The following DLG2 variants were observed in gnomAD, a reference collection of about 807,000 sequenced individuals.
DLG2 encodes disks large homolog 2.
Under a neutral mutation model 132.5 loss-of-function variants are expected in DLG2, and 45 were observed. The observed-to-expected ratio is 0.34, with a 90% CI of 0.27 to 0.44. The LOEUF (loss-of-function observed/expected upper bound fraction) is 0.44. DLG2 is among the 20% of genes least tolerant of loss of function. The probability of loss-of-function intolerance (pLI) is 1.00; values close to 1 mark genes in which losing one functional copy is unlikely to be tolerated. For synonymous variants in DLG2, 424 were observed against 419.6 expected, an observed-to-expected ratio of 1.01 and a Z score of -0.13; for missense variants, 1,045 against 1,196.9, an observed-to-expected ratio of 0.87 and a Z score of 1.87.
At chr11:84,378,226 G>A (rs569840955) in intron 7 of DLG2, among the ~76,000 whole-genome samples, 30 of 152,230 alleles carry the variant, frequency 2.0e-4, no homozygotes, top group African/African-American at 7.2e-4. Context: ...GAGACATCAG[G>A]GGGCTGGTTT....
At chr11:83,510,825 C>CAT (rs1480238993) in intron 21 of DLG2, among the ~76,000 whole-genome samples, 1 of 134,602 alleles carries the variant, frequency 7.4e-6, no homozygotes, top group East Asian at 2.1e-4. Context: ...GTTTCTGAAC[C>CAT]ATCCGTTTTT....
At chr11:84,725,710 C>G (rs1336127135) in intron 6 of DLG2, among the ~76,000 whole-genome samples, 4 of 152,058 alleles carry the variant, frequency 2.6e-5, no homozygotes, top group Non-Finnish European at 5.9e-5. Context: ...ATTTCTTGTT[C>G]CGTAAAATGG....
chr11:84,432,866 C>T (rs532600887), intron 7 of DLG2, among the ~76,000 whole-genome samples: 9 of 151,830 alleles, frequency 5.9e-5, no homozygotes, highest in Non-Finnish European at 8.8e-5. Context: ...CTACTAAAAA[C>T]GCAAAAAATT....
intron 21 of DLG2, among the ~76,000 whole-genome samples, chr11:83,503,577 G>A (rs570387003): frequency 9.6e-4 from 145 of 151,646 alleles, no homozygotes; most frequent in South Asian, 3.4e-3. Context: ...CCTGGAGTCC[G>A]ATGTTCAAGG....
chr11:84,068,355 T>C (rs112724990), intron 10 of DLG2, among the ~76,000 whole-genome samples: 137 of 152,372 alleles, frequency 9.0e-4, no homozygotes, highest in Middle Eastern at 3.4e-3. Flanking sequence ...CAAATATTTC[T>C]GATTAATACA....
At chr11:84,649,265 G>A (rs1006120193) in intron 6 of DLG2, among the ~76,000 whole-genome samples, 1 of 152,136 alleles carries the variant, frequency 6.6e-6, no homozygotes, top group African/African-American at 2.4e-5. Context: ...TAATTCCCTA[G>A]TAACAGTTTC....
intron 6 of DLG2, among the ~76,000 whole-genome samples, chr11:84,588,332 C>A (rs1296740741): frequency 6.6e-6 from 1 of 152,140 alleles, no homozygotes; most frequent in Non-Finnish European, 1.5e-5. Context: ...CTTTTCAGCC[C>A]CACCCCCAAA....
At chr11:85,347,524 C>T (rs1243948076) in intron 3 of DLG2, among the ~76,000 whole-genome samples, 1 of 152,044 alleles carries the variant, frequency 6.6e-6, no homozygotes, top group East Asian at 1.9e-4. Flanking sequence ...TAATCATTTA[C>T]TGTATGTCAA....
chr11:83,459,745 T>C lies in DLG2; in HGVS notation c.*73A>G, dbSNP rs1051195569. 8.7e-6 allele frequency: 7 copies of C among 801,764 alleles called. No individual in the cohort carries two copies. Among genetic ancestry groups the C allele is most frequent in the African/African-American group, 1.7e-5 (1 of 57,812 alleles). 49.7% of individuals were successfully genotyped at this position (801,764 alleles called of 1,614,324 possible). ...TAAATGCAACAAAAACATAAAAGCC[T>C]CCAAGTAGTATGTTATATATATTTT... On this transcript the variant is annotated 3_prime_UTR_variant, in exon 28 of 28. Transcript: ENST00000376104.
chr11:83,472,846 G>T, intron 22 of DLG2, 69 bp from the exon 23 acceptor site: 1 of 1,251,270 alleles, frequency 8.0e-7, no homozygotes, highest in Non-Finnish European at 1.2e-6. Flanking sequence ...GCCCTGCTCT[G>T]AAACACAGGA....
intron 18 of DLG2, among the ~76,000 whole-genome samples, chr11:83,723,574 G>T (rs935923151): frequency 2.0e-5 from 3 of 152,090 alleles, no homozygotes; most frequent in African/African-American, 7.2e-5. Flanking sequence ...ATCTTGGGGG[G>T]CCAGAAATAG....
intron 6 of DLG2, among the ~76,000 whole-genome samples, chr11:85,090,997 T>C (rs1347292910): frequency 6.6e-6 from 1 of 152,144 alleles, no homozygotes; most frequent in African/African-American, 2.4e-5. Context: ...GGTGGTGCCA[T>C]GTTCTCTTTA....
chr11:84,225,646 G>A lies in DLG2; in HGVS notation c.573+25592C>T, dbSNP rs116612177. On this transcript the variant is annotated intron_variant, in intron 8 of 27. Transcript: ENST00000376104. ...ATTTAAACTCTCATTCCTCCCTATCGTGTCCTTTTCCCCAATGTATGTTCT... is the reference window on the plus strand; with the variant it reads ...ATTTAAACTCTCATTCCTCCCTATCATGTCCTTTTCCCCAATGTATGTTCT... Among the ~76,000 whole-genome samples, 67 of 152,048 alleles carry A rather than the reference G, an allele frequency of 4.4e-4. No individual in the cohort carries two copies. In the South Asian group the frequency reaches 4.6e-3, roughly 10 times the overall value.
intron 6 of DLG2, among the ~76,000 whole-genome samples, chr11:85,066,496 A>C (rs1449896776): frequency 6.6e-6 from 1 of 151,686 alleles, no homozygotes; most frequent in Non-Finnish European, 1.5e-5. Flanking sequence ...CAACAACAAC[A>C]AAAAATTATA....
intron 3 of DLG2, among the ~76,000 whole-genome samples, chr11:85,334,660 T>A (rs2082004743): frequency 6.6e-6 from 1 of 152,212 alleles, no homozygotes; most frequent in Non-Finnish European, 1.5e-5. Flanking sequence ...TTGTTTGATT[T>A]CTGCCTTAAT....
At chr11:85,068,680 T>C (rs1212196207) in intron 6 of DLG2, among the ~76,000 whole-genome samples, 2 of 152,158 alleles carry the variant, frequency 1.3e-5, no homozygotes, top group African/African-American at 4.8e-5. Context: ...GAACATTCCA[T>C]GCTCATGGGT....
At chr11:84,533,905 C>CAAAAAAAAAAAAAAAAAAAAAAAAAAAAA (rs558597260) in intron 7 of DLG2, among the ~76,000 whole-genome samples, 11 of 70,282 alleles carry the variant, frequency 1.6e-4, no homozygotes, top group African/African-American at 4.2e-4. Context: ...CCAGTTCAGC[C>CAAAAAAAAAAAAAAAAAAAAAAAAAAAAA]AAAAAAAAAA....
chr11:84,251,384 G>A (rs765769412), intron 7 of DLG2, 93 bp from the exon 8 acceptor site: 10 of 997,792 alleles, frequency 1.0e-5, no homozygotes, highest in Non-Finnish European at 1.3e-5. Flanking sequence ...AGCTCAACAG[G>A]CATTTCTTGA....
chr11:83,592,400 C>G (rs1199177835), intron 19 of DLG2, among the ~76,000 whole-genome samples: 1 of 148,096 alleles, frequency 6.8e-6, no homozygotes, highest in Admixed American at 6.8e-5. Context: ...GGAAAGGATT[C>G]CCTATTTAAT....
Sources: allele counts gnomAD v4.1 joint callset (sites outside exome capture counted in the v4.1 genomes callset), GRCh38; gene constraint gnomAD v4.1.1; transcripts MANE v1.5; gene names NCBI Gene and HGNC (gene_info 2026-07-23, HGNC 2026-07-21).